The following SLC30A9 variants were observed in gnomAD, a reference collection of about 807,000 sequenced individuals.
The protein encoded by SLC30A9 is solute carrier family 30 member 9, also known as proton-coupled zinc antiporter SLC30A9, mitochondrial.
Under a neutral mutation model 87.5 loss-of-function variants are expected in SLC30A9, and 58 were observed. The observed-to-expected ratio is 0.66, with a 90% CI of 0.54 to 0.82. The LOEUF (loss-of-function observed/expected upper bound fraction) is 0.82. SLC30A9 is among the 40% of genes least tolerant of loss of function. The pLI is 0.00. For missense variants in SLC30A9, 557 were observed against 679.1 expected, an observed-to-expected ratio of 0.82 and a Z score of 2.00; for synonymous variants, 234 against 233.0, an observed-to-expected ratio of 1.00 and a Z score of -0.04.
chr4:42,039,065 A>G lies in SLC30A9; in HGVS notation c.737+12A>G. On this transcript the variant is annotated intron_variant, in intron 8 of 17. Transcript: ENST00000264451. ...GTTGCAATTTGCATGTAAGTACTGA[A>G]AAATAAGCTTTGTGAAATAGAATAT... The G allele has an allele frequency of 6.3e-7, 1 of 1,584,824 alleles. No individual in the cohort carries two copies. Among genetic ancestry groups the G allele is most frequent in the African/African-American group, 1.3e-5 (1 of 74,482 alleles).
At chr4:42,033,792 G>A (rs552415664) in intron 6 of SLC30A9, among the ~76,000 whole-genome samples, 3 of 152,254 alleles carry the variant, frequency 2.0e-5, no homozygotes, top group Admixed American at 6.5e-5. Flanking sequence ...AGCCAGGATG[G>A]TCTCGATGAT....
At chr4:42,002,500 C>G (rs1326144673) in intron 2 of SLC30A9, among the ~76,000 whole-genome samples, 1 of 151,860 alleles carries the variant, frequency 6.6e-6, no homozygotes, top group African/African-American at 2.4e-5. Context: ...GTGTTTAGCT[C>G]CTAGTTATAA....
At position 42,086,027 on chromosome 4, in the gene SLC30A9, A is replaced by G; in HGVS notation, c.1663-55A>G. The G allele has an allele frequency of 5.6e-6, 5 of 894,736 alleles. 2 individuals are homozygous for G. In the Admixed American group the frequency reaches 7.1e-5, roughly 13 times the overall value. The allele number at this position is 894,736 out of a possible 1,614,324, so 55.4% of individuals were successfully genotyped here. The stretch of plus-strand genomic sequence containing the variant: ...GGCTCTAATGACCAAAAGGAATAAA[A>G]AGAAACAAGATTTTATTTTGCTACA... On this transcript the variant is annotated intron_variant, in intron 17 of 17. Transcript: ENST00000264451.
chr4:41,997,357 CTA>C (rs1018654139), intron 1 of SLC30A9, among the ~76,000 whole-genome samples: 1 of 151,170 alleles, frequency 6.6e-6, no homozygotes, highest in African/African-American at 2.4e-5. Flanking sequence ...TAATGGTAGA[CTA>C]TATTACAAAT....
intron 8 of SLC30A9, among the ~76,000 whole-genome samples, 193 bp downstream of exon 8, chr4:42,039,246 C>G (rs373124392): frequency 1.3e-5 from 2 of 151,408 alleles, no homozygotes; most frequent in South Asian, 4.2e-4. Flanking sequence ...TATAGATAAC[C>G]ATGCTCATTC....
At chr4:42,031,815 T>G (rs569876008) in intron 6 of SLC30A9, among the ~76,000 whole-genome samples, 6 of 152,364 alleles carry the variant, frequency 3.9e-5, no homozygotes, top group African/African-American at 1.4e-4. Context: ...TTTGTAGTTA[T>G]TTCTTGCTAT....
chr4:42,026,933 T>A (rs1331895526), intron 6 of SLC30A9, among the ~76,000 whole-genome samples: 1 of 152,196 alleles, frequency 6.6e-6, no homozygotes, highest in African/African-American at 2.4e-5. Context: ...ATTCTAAATT[T>A]ACCTATTAAT....
chr4:41,997,027 C>T (rs1047448162), intron 1 of SLC30A9, among the ~76,000 whole-genome samples: 10 of 56,268 alleles, frequency 1.8e-4, no homozygotes, highest in African/African-American at 3.4e-4. Context: ...GAGTGGGACT[C>T]CATCTCAAAT....
At chr4:42,021,675 G>A (rs1169434652) in intron 4 of SLC30A9, among the ~76,000 whole-genome samples, 1 of 152,070 alleles carries the variant, frequency 6.6e-6, no homozygotes, top group Non-Finnish European at 1.5e-5. Flanking sequence ...AACAAATAAT[G>A]ACTGTAAATT....
intron 16 of SLC30A9, among the ~76,000 whole-genome samples, chr4:42,076,111 C>T (rs1041383359): frequency 6.6e-6 from 1 of 151,752 alleles, no homozygotes; most frequent in African/African-American, 2.4e-5. Context: ...AGTAATTTGC[C>T]TTAAGTTGTA....
At chr4:42,002,994 A>G (rs1052791891) in intron 2 of SLC30A9, among the ~76,000 whole-genome samples, 7 of 152,098 alleles carry the variant, frequency 4.6e-5, no homozygotes, top group African/African-American at 1.7e-4. Context: ...TCCTTTCTGA[A>G]GTAGACATTT....
intron 17 of SLC30A9, among the ~76,000 whole-genome samples, chr4:42,080,951 C>T (rs1309800912): frequency 1.3e-5 from 2 of 152,168 alleles, no homozygotes; most frequent in African/African-American, 4.8e-5. Flanking sequence ...TGGGTACACT[C>T]TCAGGCTGAT....
At chr4:42,049,508 A>G in intron 9 of SLC30A9, 29 bp downstream of exon 9, 1 of 1,200,924 alleles carries the variant, frequency 8.3e-7, no homozygotes, top group Non-Finnish European at 1.2e-6. Flanking sequence ...TTTATAAGTC[A>G]ATTTTAAAGT....
chr4:42,016,283 G>A (rs1170953316), intron 2 of SLC30A9, among the ~76,000 whole-genome samples: 2 of 152,024 alleles, frequency 1.3e-5, no homozygotes, highest in East Asian at 3.9e-4. Context: ...AATGTTTTAA[G>A]GGTGAGATTT....
chr4:42,027,265 A>C (rs1347920732), intron 6 of SLC30A9, among the ~76,000 whole-genome samples: 1 of 152,214 alleles, frequency 6.6e-6, no homozygotes, highest in African/African-American at 2.4e-5. Flanking sequence ...TCCACAAATA[A>C]AATTTTATTG....
At chr4:42,065,782 CCCA>C (rs1458634147) in intron 12 of SLC30A9, among the ~76,000 whole-genome samples, 3 of 152,210 alleles carry the variant, frequency 2.0e-5, no homozygotes, top group African/African-American at 7.2e-5. Flanking sequence ...CTTGATTGAA[CCCA>C]CCACCACTAC....
At position 41,994,503 on chromosome 4, in the gene SLC30A9, AT is replaced by A. The variant is rs1298349028; in HGVS notation, c.109+3745del. ...TTAAGTATACTAGATGAACACTGAAATTAATAAAAGTGTAATTTTTAAATAG... is the reference window on the plus strand; with the variant it reads ...TTAAGTATACTAGATGAACACTGAAATAATAAAAGTGTAATTTTTAAATAG... On this transcript the variant is annotated intron_variant, in intron 1 of 17. Coordinates refer to ENST00000264451, the MANE Select transcript of SLC30A9 (RefSeq NM_006345.4). 5.9e-5 allele frequency among the ~76,000 whole-genome samples: 9 copies of A among 151,796 alleles called. No individual in the cohort carries two copies. The South Asian group carries it at 1.5e-3, about 25-fold the overall frequency.
intron 4 of SLC30A9, 85 bp downstream of exon 4, chr4:42,020,600 C>T (rs991663511): frequency 3.0e-6 from 2 of 670,672 alleles, no homozygotes; most frequent in Non-Finnish European, 4.9e-6. Context: ...TACCTGCTAC[C>T]ATCCATATAT....
At chr4:42,015,439 G>A (rs1421740009) in intron 2 of SLC30A9, among the ~76,000 whole-genome samples, 1 of 152,070 alleles carries the variant, frequency 6.6e-6, no homozygotes, top group Non-Finnish European at 1.5e-5. Context: ...GATGGCAGAA[G>A]TACAAATGTA....
Sources: allele counts gnomAD v4.1 joint callset (sites outside exome capture counted in the v4.1 genomes callset), GRCh38; gene constraint gnomAD v4.1.1; transcripts MANE v1.5; gene names NCBI Gene and HGNC (gene_info 2026-07-23, HGNC 2026-07-21).